The following GRK4 variants were observed in gnomAD, a reference collection of about 807,000 sequenced individuals.
The protein encoded by GRK4 is G protein-coupled receptor kinase 4, also known as G protein-coupled receptor kinase 2-like.
A neutral mutation model predicts 77.9 loss-of-function variants in GRK4; 73 were observed. The ratio of observed to expected loss-of-function variants is 0.94; its 90% CI spans 0.78 to 1.14. GRK4 has a LOEUF of 1.14. GRK4 is among the 50% of genes most tolerant of loss of function. GRK4 has a pLI of 0.00. For missense variants in GRK4, 729 were observed against 700.2 expected, an observed-to-expected ratio of 1.04 and a Z score of -0.46; for synonymous variants, 257 against 254.4, an observed-to-expected ratio of 1.01 and a Z score of -0.10.
chr4:2,986,428 C>G (rs1044049251), intron 2 of GRK4, among the ~76,000 whole-genome samples: 2 of 143,464 alleles, frequency 1.4e-5, no homozygotes, highest in Non-Finnish European at 3.0e-5. Flanking sequence ...ATGATCTCGG[C>G]TCACTGCAAG....
At chr4:3,029,748 C>A (rs1738637640) in intron 12 of GRK4, among the ~76,000 whole-genome samples, 1 of 152,056 alleles carries the variant, frequency 6.6e-6, no homozygotes, top group African/African-American at 2.4e-5. Context: ...TCAGGAGGCT[C>A]ACGTCAACCT....
In GRK4 at chr4:3,027,919, C is replaced by G; in HGVS notation, c.978C>G (p.Ile326Met). 1 of 1,613,994 alleles carries G rather than the reference C, an allele frequency of 6.2e-7. No homozygotes were observed. Among genetic ancestry groups the G allele is most frequent in the Non-Finnish European group, 8.5e-7 (1 of 1,179,914 alleles). Residue 326 changes from isoleucine (I) to methionine (M), a missense_variant, in exon 11 of 16, where the codon ATC becomes ATG. Ile to Met is a conservative substitution (Grantham distance 10). Coordinates refer to ENST00000398052, the MANE Select transcript of GRK4 (RefSeq NM_182982.3). ...ENILLDDRGHIRISDLGLATE... is the reference protein window; with the variant it reads ...ENILLDDRGHMRISDLGLATE... ...ACATATTTGAACACACAGGACACATCCGGATTTCAGACCTCGGTTTGGCCA... is the reference window on the plus strand; with the variant it reads ...ACATATTTGAACACACAGGACACATGCGGATTTCAGACCTCGGTTTGGCCA...
intron 4 of GRK4, among the ~76,000 whole-genome samples, chr4:2,993,458 GAGGTCA>G (rs1468705035): frequency 6.6e-6 from 1 of 152,204 alleles, no homozygotes; most frequent in Non-Finnish European, 1.5e-5. Context: ...TAGATCACTT[GAGGTCA>G]AGAATTCGAC....
chr4:3,014,231 A>G (rs1044258021), intron 8 of GRK4, among the ~76,000 whole-genome samples: 1 of 148,292 alleles, frequency 6.7e-6, no homozygotes, highest in Non-Finnish European at 1.5e-5. Context: ...CCTCCAGTCA[A>G]TTTCTCTGGC....
At chr4:3,035,620 C>T in intron 13 of GRK4, 97 bp downstream of exon 13, 1 of 1,367,262 alleles carries the variant, frequency 7.3e-7, no homozygotes, top group Non-Finnish European at 9.9e-7. Context: ...TGGGGGGTCT[C>T]ACTGTGTTGC....
intron 2 of GRK4, chr4:2,985,732 C>A: frequency 3.1e-6 from 1 of 326,428 alleles, no homozygotes. Flanking sequence ...GGTGTGGTGG[C>A]TCACGCCCGT....
At chr4:3,016,628 G>T (rs998963389) in intron 8 of GRK4, among the ~76,000 whole-genome samples, 1 of 137,686 alleles carries the variant, frequency 7.3e-6, no homozygotes, top group Non-Finnish European at 1.6e-5. Flanking sequence ...TTGAACCCAG[G>T]TGGTCAGGGC....
At chr4:2,981,980 G>A (rs1422676118) in intron 1 of GRK4, among the ~76,000 whole-genome samples, 1 of 152,270 alleles carries the variant, frequency 6.6e-6, no homozygotes, top group Non-Finnish European at 1.5e-5. Flanking sequence ...CACACACCTG[G>A]CTGGGTTGTG....
chr4:3,004,420 C>A, intron 5 of GRK4, 86 bp downstream of exon 5: 1 of 847,298 alleles, frequency 1.2e-6, no homozygotes, highest in Non-Finnish European at 1.9e-6. Flanking sequence ...CTGCATAAGA[C>A]AAGTTCCTAG....
At position 2,988,819 on chromosome 4, in the gene GRK4, A is replaced by G. The variant is rs142548315; in HGVS notation, c.241A>G (p.Ile81Val). The G allele has an allele frequency of 6.5e-4, 1,041 of 1,607,408 alleles. 4 individuals carry two copies. Among genetic ancestry groups the G allele is most frequent in the Middle Eastern group, 4.8e-3 (29 of 6,052 alleles). The change falls in exon 3 of 16, where the codon ATT (isoleucine) becomes GTT (valine). Residue 81 changes from isoleucine (I) to valine (V), a missense_variant. Transcript: ENST00000398052. ...CDTKPTLKRH[I>V]EFLDAVAEYE... ...TACCAAACCCACTCTAAAGAGGCAC[A>G]TTGAATTCTTGGATGCAGTGGTGAG...
intron 4 of GRK4, among the ~76,000 whole-genome samples, chr4:3,001,956 G>A (rs1440326483): frequency 6.6e-6 from 1 of 152,164 alleles, no homozygotes; most frequent in African/African-American, 2.4e-5. Context: ...TCTGGACAGT[G>A]GTTTTGTCAT....
chr4:2,974,592 G>A (rs1376108102), intron 1 of GRK4, among the ~76,000 whole-genome samples: 1 of 152,248 alleles, frequency 6.6e-6, no homozygotes. Flanking sequence ...AGTCATGGAG[G>A]AAAGTACTTA....
chr4:2,990,708 G>A (rs547749876), intron 3 of GRK4, among the ~76,000 whole-genome samples: 5 of 152,236 alleles, frequency 3.3e-5, no homozygotes, highest in Admixed American at 1.3e-4. Context: ...TCTTCCTTAC[G>A]TTAAAATAGC....
At position 3,001,965 on chromosome 4, in the gene GRK4, ATG is replaced by A. The variant is rs767192722; in HGVS notation, c.340-2262_340-2261del. 2.8e-4 allele frequency among the ~76,000 whole-genome samples: 42 copies of A among 152,300 alleles called. No individual in the cohort carries two copies. In the East Asian group the frequency reaches 6.0e-3, roughly 22 times the overall value. On this transcript the variant is annotated intron_variant, in intron 4 of 15. Coordinates refer to ENST00000398052, the MANE Select transcript of GRK4 (RefSeq NM_182982.3). ...ATTGAATCTGGACAGTGGTTTTGTC[ATG>A]TGTTTCCTTTTTCCAGAATTCTCTG...
intron 13 of GRK4, 101 bp downstream of exon 13, chr4:3,035,624 G>A (rs2110083821): frequency 7.4e-7 from 1 of 1,345,040 alleles, no homozygotes; most frequent in Admixed American, 2.4e-5. Context: ...GGGTCTCACT[G>A]TGTTGCCCAG....
At chr4:3,013,362 C>A (rs76887174) in intron 7 of GRK4, among the ~76,000 whole-genome samples, 12,179 of 152,090 alleles carry the variant, frequency 0.08, 552 homozygotes, top group African/African-American at 0.12. Flanking sequence ...GAAAAAGAAT[C>A]TTTTCAGTTT....
At chr4:3,037,782 G>T (rs1458859738) in intron 14 of GRK4, among the ~76,000 whole-genome samples, 2 of 152,082 alleles carry the variant, frequency 1.3e-5, no homozygotes, top group Non-Finnish European at 2.9e-5. Context: ...AGGCATGGTG[G>T]CAGGCACCTG....
chr4:3,007,105 G>A (rs776598012), intron 5 of GRK4, among the ~76,000 whole-genome samples: 2 of 152,294 alleles, frequency 1.3e-5, no homozygotes, highest in South Asian at 4.1e-4. Flanking sequence ...GGGAGGCTGA[G>A]ATGGGAGGAT....
chr4:3,014,296 C>CTCTCTT (rs757312217), intron 8 of GRK4, among the ~76,000 whole-genome samples: 1 of 119,000 alleles, frequency 8.4e-6, no homozygotes, highest in African/African-American at 3.4e-5. Context: ...CTCTCTCTCT[C>CTCTCTT]TTTTTTTTTT....
Sources: allele counts gnomAD v4.1 joint callset (sites outside exome capture counted in the v4.1 genomes callset), GRCh38; gene constraint gnomAD v4.1.1; transcripts MANE v1.5; gene names NCBI Gene and HGNC (gene_info 2026-07-23, HGNC 2026-07-21).